STK4: variants seen among roughly 807,000 people sequenced by gnomAD.
STK4 encodes serine/threonine kinase 4, also known as serine/threonine-protein kinase 4.
A neutral mutation model predicts 64.9 loss-of-function variants in STK4; 30 were observed. That is an observed-to-expected ratio of 0.46 (90% confidence interval 0.35 to 0.63). The LOEUF (loss-of-function observed/expected upper bound fraction) is 0.63. Ranked by LOEUF, STK4 falls within the 20% of genes least tolerant of loss-of-function variation. The pLI is 0.01. For synonymous variants in STK4, 177 were observed against 199.0 expected (o/e 0.89, Z 0.93); for missense variants, 466 against 598.5 (o/e 0.78, Z 2.31).
intron 10 of STK4, among the ~76,000 whole-genome samples, chr20:45,063,128 T>C (rs964221270): frequency 2.0e-5 from 3 of 148,062 alleles, no homozygotes; most frequent in African/African-American, 5.0e-5. Flanking sequence ...CTCAGCCTCC[T>C]GAGTAGCTGG....
intron 1 of STK4, chr20:44,967,418 C>A: frequency 1.2e-5 from 2 of 169,552 alleles, no homozygotes; most frequent in Non-Finnish European, 2.4e-5. Context: ...ATATCAGCAC[C>A]AAATCCTAGT....
intron 10 of STK4, among the ~76,000 whole-genome samples, chr20:45,043,784 T>G (rs1179786135): frequency 2.6e-5 from 4 of 152,200 alleles, no homozygotes; most frequent in Admixed American, 2.6e-4. Context: ...ACACTTCTGG[T>G]CCCAAACATT....
chr20:45,031,228 A>G (rs1162780347), intron 10 of STK4, among the ~76,000 whole-genome samples: 1 of 151,872 alleles, frequency 6.6e-6, no homozygotes, highest in Non-Finnish European at 1.5e-5. Context: ...AGGCCTGTGG[A>G]GAGACAGGAC....
At chr20:45,016,267 C>T (rs1156386320) in intron 9 of STK4, among the ~76,000 whole-genome samples, 1 of 152,178 alleles carries the variant, frequency 6.6e-6, no homozygotes, top group East Asian at 1.9e-4. Context: ...ACTTTAGATA[C>T]ACATGAGCCT....
chr20:45,004,861 C>T (rs1244900741), intron 9 of STK4, among the ~76,000 whole-genome samples: 1 of 151,420 alleles, frequency 6.6e-6, no homozygotes, highest in African/African-American at 2.4e-5. Flanking sequence ...CTCCGCCTCC[C>T]AGGTTCAAGC....
At position 45,005,013 on chromosome 20, in the gene STK4, C is replaced by T. The variant is rs201863532; in HGVS notation, c.1147+3660C>T. On this transcript the variant is annotated intron_variant, in intron 9 of 10. Coordinates refer to ENST00000372806, the MANE Select transcript of STK4 (RefSeq NM_006282.5). ...GTCTCAAACTCTTGACCTCGTAATC[C>T]GCCCGCCTTGGCCTCCCAAAGTGCT... Among the ~76,000 whole-genome samples, 66 of 151,776 alleles carry T rather than the reference C, an allele frequency of 4.3e-4. 1 individual carries two copies. The East Asian group carries it at 8.7e-3, about 20-fold the overall frequency.
At chr20:45,046,998 C>T (rs1433424923) in intron 10 of STK4, among the ~76,000 whole-genome samples, 2 of 152,100 alleles carry the variant, frequency 1.3e-5, no homozygotes, top group African/African-American at 4.8e-5. Context: ...TTTTCTTACT[C>T]CAGTGTTAGA....
intron 10 of STK4, among the ~76,000 whole-genome samples, chr20:45,066,489 C>T (rs767640374): frequency 1.8e-4 from 28 of 152,192 alleles, no homozygotes; most frequent in Admixed American, 1.1e-3. Flanking sequence ...GTTATTTGAA[C>T]GCAGTCTTCT....
At chr20:45,024,457 G>T (rs527479491) in intron 9 of STK4, among the ~76,000 whole-genome samples, 15 of 152,124 alleles carry the variant, frequency 9.9e-5, no homozygotes, top group Admixed American at 2.6e-4. Context: ...GATGAATTGT[G>T]ATTTATTTAT....
At chr20:44,980,727 G>C (rs368298889) in intron 3 of STK4, among the ~76,000 whole-genome samples, 2 of 152,114 alleles carry the variant, frequency 1.3e-5, no homozygotes, top group African/African-American at 4.8e-5. Context: ...GGAGTGCAGT[G>C]GCGCGATCTC....
intron 10 of STK4, among the ~76,000 whole-genome samples, chr20:45,063,059 G>A (rs375285088): frequency 1.5e-4 from 19 of 130,896 alleles, no homozygotes; most frequent in East Asian, 4.4e-4. Flanking sequence ...GCTGGAGTGC[G>A]GTGGTGTGAT....
intron 10 of STK4, among the ~76,000 whole-genome samples, chr20:45,042,009 A>G (rs2068621740): frequency 6.6e-6 from 1 of 152,230 alleles, no homozygotes; most frequent in Admixed American, 6.5e-5. Flanking sequence ...GAAGTCAGAA[A>G]AGAAAAAGAA....
intron 9 of STK4, among the ~76,000 whole-genome samples, chr20:45,018,005 G>A (rs751789457): frequency 2.0e-5 from 3 of 152,110 alleles, no homozygotes; most frequent in Non-Finnish European, 2.9e-5. Flanking sequence ...ATTTATGGCT[G>A]TACACAGCTA....
At chr20:44,978,419 GTTC>G (rs1244264789) in intron 2 of STK4, 21 bp from the exon 3 acceptor site, 10 of 1,598,380 alleles carry the variant, frequency 6.3e-6, no homozygotes, top group East Asian at 4.5e-5. Flanking sequence ...CTTTATAAAT[GTTC>G]TTCTTCTCCC....
At chr20:45,049,075 TGAAAGAGACA>T (rs1431529907) in intron 10 of STK4, among the ~76,000 whole-genome samples, 1 of 152,126 alleles carries the variant, frequency 6.6e-6, no homozygotes, top group Non-Finnish European at 1.5e-5. Flanking sequence ...TGCGTATGTA[TGAAAGAGACA>T]GAGAGAGACA....
At chr20:45,055,389 A>T (rs966812648) in intron 10 of STK4, among the ~76,000 whole-genome samples, 1 of 152,122 alleles carries the variant, frequency 6.6e-6, no homozygotes, top group Non-Finnish European at 1.5e-5. Context: ...TCTTAATTTC[A>T]TGCACATTTA....
chr20:45,025,136 T>G lies in STK4; in HGVS notation c.1305+6T>G. The G allele has an allele frequency of 6.2e-7, 1 of 1,605,282 alleles. No homozygotes were observed. The highest frequency in any genetic ancestry group is 8.5e-7 in the Non-Finnish European group (1 of 1,176,352). On this transcript the variant is annotated splice_donor_region_variant and intron_variant, in intron 10 of 10. Coordinates refer to ENST00000372806, the MANE Select transcript of STK4 (RefSeq NM_006282.5). ...AGGATGGAGACTACGAGTTTGTAAG[T>G]AGTGTTGGAAGTAAATGGTTATGTC...
At chr20:45,060,677 T>G (rs1978914926) in intron 10 of STK4, among the ~76,000 whole-genome samples, 1 of 152,220 alleles carries the variant, frequency 6.6e-6, no homozygotes, top group African/African-American at 2.4e-5. Flanking sequence ...GAGCACTTAT[T>G]TCTTGGACTG....
intron 10 of STK4, among the ~76,000 whole-genome samples, chr20:45,067,894 T>C (rs1020155141): frequency 1.2e-4 from 19 of 152,188 alleles, no homozygotes; most frequent in African/African-American, 4.3e-4. Flanking sequence ...GTTTCTCACA[T>C]AGAGTTCAAT....
Sources: allele counts gnomAD v4.1 joint callset (sites outside exome capture counted in the v4.1 genomes callset), GRCh38; gene constraint gnomAD v4.1.1; transcripts MANE v1.5; gene names NCBI Gene and HGNC (gene_info 2026-07-23, HGNC 2026-07-21).